Variants in COL6A3 observed in about 807,000 individuals in gnomAD.
The protein encoded by COL6A3 is collagen alpha-3(VI) chain.
Under a neutral mutation model 274.1 loss-of-function variants are expected in COL6A3, and 137 were observed. That is an observed-to-expected ratio of 0.50 (90% CI 0.44 to 0.58). The LOEUF (loss-of-function observed/expected upper bound fraction) is 0.58, where lower values mean the gene tolerates loss of function less well. Ranked by LOEUF, COL6A3 falls within the 20% of genes least tolerant of loss-of-function variation. The probability of loss-of-function intolerance (pLI) is 0.00; values close to 1 mark genes in which losing one functional copy is unlikely to be tolerated. For synonymous variants in COL6A3, 1,650 were observed against 1,650.6 expected, an observed-to-expected ratio of 1.00 and a Z score of 0.01; for missense variants, 3,950 against 4,124.9, an observed-to-expected ratio of 0.96 and a Z score of 1.16.
chr2:237,401,964 C>G (rs142576454), intron 1 of COL6A3, among the ~76,000 whole-genome samples: 1 of 152,020 alleles, frequency 6.6e-6, no homozygotes, highest in Non-Finnish European at 1.5e-5. Context: ...GGATTACAGG[C>G]GTGAGCCACT....
chr2:237,328,299 G>A (rs1700053065), intron 42 of COL6A3: 1 of 152,160 alleles, frequency 6.6e-6, no homozygotes, highest in East Asian at 1.9e-4. Context: ...ACAATGTTAG[G>A]TTAAAACCCT....
At chr2:237,375,097 G>A (rs182079928) in intron 7 of COL6A3, 77 bp from the exon 8 acceptor site, 107 of 1,591,498 alleles carry the variant, frequency 6.7e-5, no homozygotes, top group Admixed American at 1.7e-4. Context: ...GGCTGCATAA[G>A]AGCATCACAG....
intron 33 of COL6A3, 36 bp downstream of exon 33, chr2:237,345,145 G>A (rs376712506): frequency 6.2e-6 from 10 of 1,613,918 alleles, no homozygotes; most frequent in Non-Finnish European, 7.6e-6. Flanking sequence ...AAAGGCTCAT[G>A]AGGTTAATGA....
In COL6A3 at chr2:237,387,895, G is replaced by C; in HGVS notation, c.999C>G (p.His333Gln). 6.2e-7 allele frequency: 1 copy of C among 1,614,150 alleles called. No homozygotes were observed. The highest frequency in any genetic ancestry group is 1.1e-5 in the South Asian group (1 of 91,088). ...GLALDFVVEN[H>Q]FTRAGGSRVE... ...CGCGGCTGCCCCCTGCCCGGGTGAA[G>C]TGGTTCTCCACCACGAAATCAAGGG... The change falls in exon 4 of 44, where the codon CAC becomes CAG. Residue 333 changes from histidine to glutamine, a missense_variant. Physicochemically the swap from His to Gln is conservative, Grantham distance 24. Around this residue, in one of 5 missense-constraint regions of COL6A3, gnomAD observed 1,934 missense variants for 1,984.3 expected, o/e 0.97. Coordinates refer to ENST00000295550, the MANE Select transcript of COL6A3 (RefSeq NM_004369.4).
In COL6A3 at chr2:237,372,318, G is replaced by T; in HGVS notation, c.3699C>A (p.Asp1233Glu). The T allele has an allele frequency of 6.2e-7, 1 of 1,607,766 alleles. No homozygotes were observed. Among genetic ancestry groups the T allele is most frequent in the Non-Finnish European group, 8.5e-7 (1 of 1,179,990 alleles). ...GGGACCCATCGATGAGAAAGACCAC[G>T]TCCCTCTTGCCACCAACACCTGCGA... ...LPSPGVGGKR[D>E]VVFLIDGSQS... Residue 1233 changes from aspartate (D) to glutamate (E), a missense_variant, in exon 9 of 44, where the codon GAC (aspartate) becomes GAA (glutamate). Asp to Glu is a conservative substitution (Grantham distance 45, BLOSUM62 2). Around this residue, in one of 5 missense-constraint regions of COL6A3, gnomAD observed 1,934 missense variants for 1,984.3 expected, o/e 0.97. Coordinates refer to ENST00000295550, the MANE Select transcript of COL6A3 (RefSeq NM_004369.4).
intron 25 of COL6A3, 127 bp downstream of exon 25, chr2:237,353,214 A>G: frequency 2.3e-6 from 2 of 876,686 alleles, no homozygotes; most frequent in Non-Finnish European, 3.7e-6. Context: ...GCATTGTGGA[A>G]GTACCAAATG....
At chr2:237,386,734 CT>C (rs1281173485) in intron 4 of COL6A3, 1 of 152,196 alleles carries the variant, frequency 6.6e-6, no homozygotes, top group Admixed American at 6.5e-5. Context: ...CACTGTGTCC[CT>C]GATTTACCAA....
chr2:237,397,112 A>AGGAG (rs1416592538), intron 1 of COL6A3, among the ~76,000 whole-genome samples: 11 of 144,098 alleles, frequency 7.6e-5, no homozygotes, highest in East Asian at 2.4e-4. Context: ...AAAGGAAGGA[A>AGGAG]GGAGGGAGGG....
At chr2:237,377,757 A>T (rs201285349) in intron 6 of COL6A3, among the ~76,000 whole-genome samples, 4 of 146,666 alleles carry the variant, frequency 2.7e-5, no homozygotes, top group African/African-American at 1.0e-4. Flanking sequence ...AGAAAAAAAA[A>T]GGGGGGGCTG....
chr2:237,369,116 T>A lies in COL6A3; in HGVS notation c.4347A>T (p.Pro1449=). 1 of 1,614,184 alleles carries A rather than the reference T, an allele frequency of 6.2e-7. No homozygotes were observed. The highest frequency in any genetic ancestry group is 1.1e-5 in the South Asian group (1 of 91,090). Reference sequence around the variant, plus strand: ...AATCTCGAATATGTGCAAAGCCATCTGGCCTAACTCCCTCAGAGCTGTCGA... The same window carrying A: ...AATCTCGAATATGTGCAAAGCCATCAGGCCTAACTCCCTCAGAGCTGTCGA... The part of the protein sequence containing the change: ...FLIDSSEGVR[P]DGFAHIRDFV... The change falls in exon 10 of 44, where the codon CCA becomes CCT. Residue 1449 remains proline (P), a synonymous_variant. Coordinates refer to ENST00000295550, the MANE Select transcript of COL6A3 (RefSeq NM_004369.4).
chr2:237,366,657 G>A (rs75509063), intron 11 of COL6A3, 30 bp downstream of exon 11: 23 of 1,614,064 alleles, frequency 1.4e-5, no homozygotes, highest in Middle Eastern at 3.3e-4. Context: ...AACAGGAAAG[G>A]ATGGAAAATA....
chr2:237,411,965 AG>A (rs1029350120), intron 1 of COL6A3, among the ~76,000 whole-genome samples: 17 of 152,176 alleles, frequency 1.1e-4, no homozygotes, highest in African/African-American at 3.4e-4. Flanking sequence ...GGATAGGAAA[AG>A]CCAGGACAGC....
intron 12 of COL6A3, among the ~76,000 whole-genome samples, chr2:237,365,182 C>A (rs2077524034): frequency 6.7e-6 from 1 of 149,568 alleles, no homozygotes; most frequent in Non-Finnish European, 1.5e-5. Flanking sequence ...AAGACCCCTG[C>A]CTACAAGCCA....
chr2:237,399,931 C>G (rs1040059497), intron 1 of COL6A3, among the ~76,000 whole-genome samples: 1 of 152,196 alleles, frequency 6.6e-6, no homozygotes, highest in Admixed American at 6.5e-5. Flanking sequence ...GACATTTCCC[C>G]GGAGAAGCCC....
intron 36 of COL6A3, chr2:237,343,230 C>A (rs1409724796): frequency 6.6e-6 from 1 of 151,912 alleles, no homozygotes; most frequent in Non-Finnish European, 1.5e-5. Context: ...GGTGCGGTGG[C>A]TTACGCCTGT....
At chr2:237,370,697 G>A (rs372650359) in intron 9 of COL6A3, among the ~76,000 whole-genome samples, 1 of 152,126 alleles carries the variant, frequency 6.6e-6, no homozygotes, top group African/African-American at 2.4e-5. Context: ...ATACACAATT[G>A]GGCAATTTAC....
intron 1 of COL6A3, among the ~76,000 whole-genome samples, chr2:237,410,506 T>C (rs1414525088): frequency 6.6e-6 from 1 of 152,036 alleles, no homozygotes; most frequent in Non-Finnish European, 1.5e-5. Flanking sequence ...GGTCTCCCTA[T>C]GTTGCCCAGG....
chr2:237,388,244 A>T (rs2078204308), intron 3 of COL6A3, 60 bp from the exon 4 acceptor site: 1 of 1,606,936 alleles, frequency 6.2e-7, no homozygotes, highest in African/African-American at 1.3e-5. Context: ...CACATGCATT[A>T]TTCAGTGTTC....
At chr2:237,395,669 T>C (rs1404752322) in intron 2 of COL6A3, among the ~76,000 whole-genome samples, 1 of 152,236 alleles carries the variant, frequency 6.6e-6, no homozygotes, top group African/African-American at 2.4e-5. Flanking sequence ...TTCCATTCAC[T>C]AACCCCCAAT....
Sources: gnomAD v4.1 joint callset for allele counts (sites outside exome capture counted in the v4.1 genomes callset) on GRCh38, gnomAD v4.1.1 for gene constraint, gnomAD v4.1.1 regional missense constraint, MANE v1.5 for transcripts, NCBI Gene and HGNC (gene_info 2026-07-23, HGNC 2026-07-21) for gene names.